The following MYO1H variants were observed in gnomAD, a reference collection of about 807,000 sequenced individuals.
The protein encoded by MYO1H is myosin IH, also known as unconventional myosin-Ih.
In MYO1H, 118 loss-of-function variants were observed where a neutral mutation model predicts 149.3. The ratio of observed to expected loss-of-function variants is 0.79; its 90% CI spans 0.68 to 0.92. The LOEUF (loss-of-function observed/expected upper bound fraction) is 0.92. MYO1H is among the 40% of genes least tolerant of loss of function. The pLI, the probability that MYO1H is intolerant of heterozygous loss-of-function variation, is 0.00. For missense variants in MYO1H, 1,212 were observed against 1,280.7 expected, an observed-to-expected ratio of 0.95 and a Z score of 0.82; for synonymous variants, 447 against 465.2, an observed-to-expected ratio of 0.96 and a Z score of 0.50.
chr12:109,441,617 G>A (rs769223140), exon 26 of MYO1H: 6 of 1,607,192 alleles, frequency 3.7e-6, no homozygotes. Context: ...ATTACCAGAT[G>A]CAGCAAAAGG....
At chr12:109,411,971 T>C in exon 14 of MYO1H, 1 of 1,597,222 alleles carries the variant, frequency 6.3e-7, no homozygotes, top group Non-Finnish European at 8.5e-7. Flanking sequence ...TGGGCAAACA[T>C]GCACACTTCG....
intron 27 of MYO1H, among the ~76,000 whole-genome samples, chr12:109,442,793 CTCT>C (rs1440012494): frequency 1.1e-5 from 1 of 91,648 alleles, no homozygotes; most frequent in Non-Finnish European, 2.1e-5. Context: ...CCAGTGTCTG[CTCT>C]TTTTTTTTTT....
intron 10 of MYO1H, among the ~76,000 whole-genome samples, chr12:109,409,021 C>T (rs1200975723): frequency 6.6e-6 from 1 of 151,864 alleles, no homozygotes; most frequent in East Asian, 1.9e-4. Context: ...AAACTCCTGG[C>T]CACAAGTGAT....
At chr12:109,422,933 T>G (rs929127738) in intron 16 of MYO1H, among the ~76,000 whole-genome samples, 1 of 151,490 alleles carries the variant, frequency 6.6e-6, no homozygotes, top group African/African-American at 2.4e-5. Flanking sequence ...AATTAAAAAA[T>G]TAGCTGGGTG....
chr12:109,411,896 T>A, exon 14 of MYO1H: 1 of 1,600,104 alleles, frequency 6.2e-7, no homozygotes, highest in Non-Finnish European at 8.5e-7. Context: ...TTTTGAAGGA[T>A]GAAGAATGCA....
At chr12:109,323,134 T>C in the MYO1H span, among the ~76,000 whole-genome samples, 2 of 152,046 alleles carry the variant, frequency 1.3e-5, no homozygotes, top group African/African-American at 2.4e-5. Context: ...CATAATGAAA[T>C]GTCTGTAATT....
the MYO1H span, among the ~76,000 whole-genome samples, chr12:109,330,041 A>G: frequency 8.5e-5 from 13 of 152,350 alleles, no homozygotes; most frequent in African/African-American, 3.1e-4. Context: ...CTGGGACAGA[A>G]AACAAACATT....
intron 1 of MYO1H, among the ~76,000 whole-genome samples, chr12:109,367,128 G>A (rs561302336): frequency 6.6e-6 from 1 of 152,252 alleles, no homozygotes; most frequent in African/African-American, 2.4e-5. Flanking sequence ...CTTTTACATA[G>A]TTACCTTCAT....
intron 1 of MYO1H, among the ~76,000 whole-genome samples, chr12:109,352,191 A>G (rs1396456875): frequency 6.6e-6 from 1 of 152,190 alleles, no homozygotes; most frequent in Non-Finnish European, 1.5e-5. Flanking sequence ...ATAGCTTTTT[A>G]ATTACATAAA....
chr12:109,312,293 A>G, the MYO1H span, among the ~76,000 whole-genome samples: 1 of 152,086 alleles, frequency 6.6e-6, no homozygotes, highest in Non-Finnish European at 1.5e-5. Flanking sequence ...GCTGACTGCA[A>G]GCACCACCTC....
At position 109,393,545 on chromosome 12, in the gene MYO1H, ATCC is replaced by A. The variant is rs2137039031; in HGVS notation, c.290+100_290+102del. ...CACGCATCTGTCCATCCATTCATCCATCCATCCATCCATCCATCCATCCATCCA... is the reference window on the plus strand; with the variant it reads ...CACGCATCTGTCCATCCATTCATCCAATCCATCCATCCATCCATCCATCCA... On this transcript the variant is annotated intron_variant, in intron 3 of 31. Coordinates refer to ENST00000310903, the Ensembl canonical transcript of MYO1H. 2.2e-5 allele frequency: 12 copies of A among 554,820 alleles called. No homozygotes were observed. In the East Asian group the frequency reaches 2.8e-4, roughly 13 times the overall value. The allele number at this position is 554,820 out of a possible 1,614,324, so 34.4% of individuals were successfully genotyped here.
chr12:109,384,605 G>A (rs1869266259), intron 1 of MYO1H, among the ~76,000 whole-genome samples: 1 of 152,154 alleles, frequency 6.6e-6, no homozygotes, highest in Admixed American at 6.5e-5. Flanking sequence ...CAAAGGAATC[G>A]AGGTGTCAGA....
chr12:109,354,363 G>T (rs1868532743), intron 1 of MYO1H: 1 of 152,078 alleles, frequency 6.6e-6, no homozygotes, highest in African/African-American at 2.4e-5. Context: ...AGCACTTTGG[G>T]AGGCTGAGGC....
At chr12:109,327,139 T>TC in the MYO1H span, among the ~76,000 whole-genome samples, 8 of 135,780 alleles carry the variant, frequency 5.9e-5, no homozygotes, top group Non-Finnish European at 4.8e-5. Context: ...TTTTTCTTTT[T>TC]TTTTTTTTTT....
chr12:109,328,123 A>AAC, the MYO1H span, among the ~76,000 whole-genome samples: 246 of 146,278 alleles, frequency 1.7e-3, 1 homozygote, highest in African/African-American at 4.7e-3. Context: ...TGGGGATCAT[A>AAC]ACACACACAC....
the MYO1H span, among the ~76,000 whole-genome samples, chr12:109,336,312 C>T: frequency 2.0e-5 from 3 of 152,168 alleles, no homozygotes; most frequent in African/African-American, 2.4e-5. Context: ...ACTTCATTGC[C>T]TTCTAACCCC....
intron 6 of MYO1H, among the ~76,000 whole-genome samples, chr12:109,402,264 A>G (rs1324518681): frequency 1.3e-5 from 2 of 152,182 alleles, no homozygotes; most frequent in Non-Finnish European, 2.9e-5. Context: ...TCAGCATTTG[A>G]TGTCATTAAC....
At chr12:109,417,899 T>G (rs7138189) in intron 15 of MYO1H, among the ~76,000 whole-genome samples, 26,175 of 151,634 alleles carry the variant, frequency 0.17, 2,609 homozygotes, top group African/African-American at 0.27. Context: ...CACTGCAAGC[T>G]CCGCCTCCCG....
intron 1 of MYO1H, among the ~76,000 whole-genome samples, chr12:109,383,330 C>G (rs1161326179): frequency 6.6e-6 from 1 of 152,186 alleles, no homozygotes; most frequent in Non-Finnish European, 1.5e-5. Context: ...AAACAGCTGG[C>G]CAAGTTTAAC....
Sources: allele counts gnomAD v4.1 joint callset (sites outside exome capture counted in the v4.1 genomes callset), GRCh38; gene constraint gnomAD v4.1.1; transcripts MANE v1.5; gene names NCBI Gene and HGNC (gene_info 2026-07-23, HGNC 2026-07-21).